Variants in CTNNAL1 observed in about 807,000 individuals in gnomAD.
CTNNAL1 encodes alpha-catulin.
Under a neutral mutation model 93.6 loss-of-function variants are expected in CTNNAL1, and 69 were observed. That is an observed-to-expected ratio of 0.74 (90% CI 0.61 to 0.90). The LOEUF is 0.90. Ranked by LOEUF, CTNNAL1 falls within the 40% of genes least tolerant of loss-of-function variation. The pLI is 0.00. For missense variants in CTNNAL1, 836 were observed against 862.0 expected (o/e 0.97, Z 0.38); for synonymous variants, 286 against 305.4 (o/e 0.94, Z 0.66).
Position 108,949,917 on chromosome 9 carries a change from G to A in CTNNAL1, c.1836-1683C>T, listed in dbSNP as rs1414873186. Reference sequence around the variant, plus strand: ...TGTGTGCCTGTAATCCCAGCTACTCGGGAGGCTAAGGCATGAGAATTGCTT... The same window carrying A: ...TGTGTGCCTGTAATCCCAGCTACTCAGGAGGCTAAGGCATGAGAATTGCTT... On this transcript the variant is annotated intron_variant, in intron 14 of 18. Coordinates refer to ENST00000325551, the MANE Select transcript of CTNNAL1 (RefSeq NM_003798.4). 9.9e-5 allele frequency among the ~76,000 whole-genome samples: 15 copies of A among 151,190 alleles called. No individual in the cohort carries two copies. The East Asian group carries it at 1.2e-3, about 12-fold the overall frequency.
chr9:108,999,232 C>A lies in CTNNAL1; in HGVS notation c.166G>T (p.Asp56Tyr). Residue 56 changes from aspartate (D) to tyrosine (Y), a missense_variant, in exon 2 of 19, where the codon GAT becomes TAT. Physicochemically the swap from Asp to Tyr is radical, Grantham distance 160. Transcript: ENST00000325551. ...SQITTLINHK[D>Y]NTKKSDKTLQ... The stretch of plus-strand genomic sequence containing the variant: ...GTTTTATCAGACTTTTTGGTATTAT[C>A]TTTATGATTAATAAGCGTGGTGATC... 1.2e-6 allele frequency: 2 copies of A among 1,601,460 alleles called. No homozygotes were observed. Among genetic ancestry groups the A allele is most frequent in the Non-Finnish European group, 1.7e-6 (2 of 1,175,904 alleles).
At chr9:108,963,793 T>C (rs1830880977) in intron 11 of CTNNAL1, among the ~76,000 whole-genome samples, 1 of 152,224 alleles carries the variant, frequency 6.6e-6, no homozygotes, top group Non-Finnish European at 1.5e-5. Context: ...GCAGGGTATA[T>C]TCATGCCCAG....
intron 6 of CTNNAL1, among the ~76,000 whole-genome samples, chr9:108,980,769 A>G (rs1446202484): frequency 1.3e-5 from 2 of 152,248 alleles, no homozygotes; most frequent in East Asian, 3.8e-4. Flanking sequence ...GAATTAAAAC[A>G]TAAAAATCAG....
At chr9:108,944,580 G>A (rs1830345468) in intron 15 of CTNNAL1, among the ~76,000 whole-genome samples, 1 of 152,190 alleles carries the variant, frequency 6.6e-6, no homozygotes, top group African/African-American at 2.4e-5. Flanking sequence ...TGAACAGGAT[G>A]ATGGAGAAGT....
intron 1 of CTNNAL1, among the ~76,000 whole-genome samples, chr9:109,006,305 G>A (rs1415654604): frequency 6.6e-6 from 1 of 152,166 alleles, no homozygotes; most frequent in Non-Finnish European, 1.5e-5. Flanking sequence ...TGTTTTACAT[G>A]TATCAATTCT....
At chr9:108,973,098 C>T (rs1195963751) in intron 8 of CTNNAL1, among the ~76,000 whole-genome samples, 4 of 152,068 alleles carry the variant, frequency 2.6e-5, no homozygotes, top group Non-Finnish European at 5.9e-5. Context: ...ATCCTTTAAC[C>T]CCCTGGTGCC....
At chr9:108,972,863 G>GCGGCCCCCCCCCCCCC in intron 8 of CTNNAL1, 30 bp from the exon 9 acceptor site, 1 of 231,688 alleles carries the variant, frequency 4.3e-6, no homozygotes, top group Non-Finnish European at 7.1e-6. Context: ...TGGGGGGGTG[G>GCGGCCCCCCCCCCCCC]GAGGGTGGAG....
intron 12 of CTNNAL1, among the ~76,000 whole-genome samples, chr9:108,953,470 C>T (rs12347777): frequency 0.052 from 7,840 of 152,200 alleles, 307 homozygotes; most frequent in Admixed American, 0.12. Flanking sequence ...CACTCACAAA[C>T]ACACATTGGG....
chr9:108,992,265 A>G (rs1831837359), intron 3 of CTNNAL1, among the ~76,000 whole-genome samples: 1 of 152,252 alleles, frequency 6.6e-6, no homozygotes, highest in South Asian at 2.1e-4. Flanking sequence ...TAGGCACAGC[A>G]TACCCATCAT....
At chr9:108,990,596 G>C in intron 4 of CTNNAL1, 130 bp downstream of exon 4, 1 of 1,111,524 alleles carries the variant, frequency 9.0e-7, no homozygotes, top group Non-Finnish European at 1.2e-6. Flanking sequence ...ATCTATGAAA[G>C]GCTTTCAAGA....
At chr9:108,972,865 A>ACACG in intron 8 of CTNNAL1, 32 bp from the exon 9 acceptor site, 2 of 219,274 alleles carry the variant, frequency 9.1e-6, no homozygotes, top group Non-Finnish European at 1.2e-5. Flanking sequence ...GGGGGGTGGG[A>ACACG]GGGTGGAGAA....
At chr9:108,994,731 C>T (rs1831950620) in intron 2 of CTNNAL1, among the ~76,000 whole-genome samples, 1 of 152,182 alleles carries the variant, frequency 6.6e-6, no homozygotes, top group Admixed American at 6.5e-5. Context: ...TGTCCCCTCC[C>T]ACATCATACC....
intron 14 of CTNNAL1, chr9:108,950,536 C>T (rs897314569): frequency 4.6e-5 from 72 of 1,550,252 alleles, no homozygotes; most frequent in Non-Finnish European, 5.5e-5. Flanking sequence ...AGGTAGAAGA[C>T]GTCATCAAGA....
intron 9 of CTNNAL1, among the ~76,000 whole-genome samples, chr9:108,970,809 G>T (rs142644480): frequency 6.6e-6 from 1 of 151,650 alleles, no homozygotes; most frequent in East Asian, 1.9e-4. Context: ...TATATATAAA[G>T]AAATTTGGGA....
chr9:108,985,590 A>G (rs918338131), intron 4 of CTNNAL1, among the ~76,000 whole-genome samples: 1 of 152,254 alleles, frequency 6.6e-6, no homozygotes, highest in Non-Finnish European at 1.5e-5. Flanking sequence ...CAAATAGTGT[A>G]CGACAAAGTG....
chr9:109,001,717 G>C (rs547383186), intron 1 of CTNNAL1, among the ~76,000 whole-genome samples: 1 of 152,308 alleles, frequency 6.6e-6, no homozygotes, highest in Non-Finnish European at 1.5e-5. Flanking sequence ...GAGTGAACTT[G>C]AGAGCAGATT....
Position 108,983,311 on chromosome 9 carries a change from C to G in CTNNAL1, c.734G>C (p.Cys245Ser), listed in dbSNP as rs1474355512. The G allele has an allele frequency of 6.6e-7, 1 of 1,515,372 alleles. No homozygotes were observed. The highest frequency in any genetic ancestry group is 8.8e-7 in the Non-Finnish European group (1 of 1,135,192). 93.9% of individuals were successfully genotyped at this position (1,515,372 alleles called of 1,614,324 possible). Residue 245 changes from cysteine (C) to serine (S), a missense_variant, in exon 6 of 19, where the codon TGT (cysteine) becomes TCT (serine). Physicochemically the swap from Cys to Ser is moderately radical, Grantham distance 112 (BLOSUM62 -1). Coordinates refer to ENST00000325551, the MANE Select transcript of CTNNAL1 (RefSeq NM_003798.4). ...TGATTCGCAGTTAGGATGCCTCAGA[C>G]ATGTCTTCAAAACAATTGAAAATTT... ...TMMLLTASKT[C>S]LRHPNCESAH...
intron 11 of CTNNAL1, among the ~76,000 whole-genome samples, chr9:108,962,525 T>C (rs547628999): frequency 3.9e-5 from 6 of 152,300 alleles, no homozygotes; most frequent in African/African-American, 1.2e-4. Flanking sequence ...GGAGAAGGGA[T>C]GAGCTTCATT....
chr9:108,958,264 G>A (rs1830736022), intron 11 of CTNNAL1, among the ~76,000 whole-genome samples: 2 of 151,974 alleles, frequency 1.3e-5, no homozygotes, highest in Non-Finnish European at 2.9e-5. Context: ...CCACAAGTTG[G>A]GGCAAAACCA....
Sources: allele counts gnomAD v4.1 joint callset (sites outside exome capture counted in the v4.1 genomes callset), GRCh38; gene constraint gnomAD v4.1.1; transcripts MANE v1.5; gene names NCBI Gene and HGNC (gene_info 2026-07-23, HGNC 2026-07-21).